The following FAM13A variants were observed in gnomAD, a reference collection of about 807,000 sequenced individuals.
FAM13A encodes the protein family with sequence similarity 13 member A.
In FAM13A, 76 loss-of-function variants were observed where a neutral mutation model predicts 129.6. The ratio of observed to expected loss-of-function variants is 0.59; its 90% CI spans 0.49 to 0.71. The LOEUF is 0.71. Among genes scored for constraint, FAM13A ranks in the 30% least tolerant of loss-of-function variants. The probability of loss-of-function intolerance (pLI) is 0.00; values close to 1 mark genes in which losing one functional copy is unlikely to be tolerated. For synonymous variants in FAM13A, 443 were observed against 449.9 expected, an observed-to-expected ratio of 0.98 and a Z score of 0.20; for missense variants, 1,108 against 1,249.3, an observed-to-expected ratio of 0.89 and a Z score of 1.70.
chr4:88,995,168 AGTATATTTGTTG>A (rs1763394767), intron 3 of FAM13A, among the ~76,000 whole-genome samples: 1 of 145,744 alleles, frequency 6.9e-6, no homozygotes, highest in African/African-American at 2.7e-5. Context: ...ATATACAAAC[AGTATATTTGTTG>A]CACAAATATA....
Position 88,964,633 on chromosome 4 carries a change from C to CT in FAM13A, c.605+26339dup, listed in dbSNP as rs763599993. 6.2e-3 allele frequency among the ~76,000 whole-genome samples: 836 copies of CT among 135,642 alleles called. 10 individuals are homozygous for CT. The highest frequency in any genetic ancestry group is 0.014 in the African/African-American group (515 of 36,968). The allele number at this position is 135,642 out of a possible 152,430, so 89.0% of individuals were successfully genotyped here. A position where few individuals can be genotyped will look rare whatever the true frequency, so the allele number is the denominator to read the frequency against. ...TCACCAAACTAACATACACTCTGCTCTTTTTTTTTTTTTTTTTGGAGTCTC... is the reference window on the plus strand; with the variant it reads ...TCACCAAACTAACATACACTCTGCTCTTTTTTTTTTTTTTTTTTGGAGTCTC... On this transcript the variant is annotated intron_variant, in intron 4 of 23. Coordinates refer to ENST00000264344, the MANE Select transcript of FAM13A (RefSeq NM_014883.4).
intron 13 of FAM13A, among the ~76,000 whole-genome samples, chr4:88,761,565 G>A (rs1744821471): frequency 6.6e-6 from 1 of 152,158 alleles, no homozygotes. Flanking sequence ...GAAGGAAGGA[G>A]GAATAACAAG....
chr4:88,990,248 T>C (rs760708839), intron 4 of FAM13A: 30 of 152,182 alleles, frequency 2.0e-4, no homozygotes, highest in Non-Finnish European at 3.8e-4. Flanking sequence ...TAAGCCTGTA[T>C]ATTAATGAAG....
intron 4 of FAM13A, among the ~76,000 whole-genome samples, chr4:88,980,535 A>G (rs1176461074): frequency 1.3e-5 from 2 of 152,216 alleles, no homozygotes; most frequent in Non-Finnish European, 2.9e-5. Context: ...AAACTTTCCA[A>G]TCACCCATTC....
rs1277179709 is a variant in FAM13A, at chr4:88,775,621, C to G, written c.1458+5544G>C. On this transcript the variant is annotated intron_variant, in intron 11 of 23. Coordinates refer to ENST00000264344, the MANE Select transcript of FAM13A (RefSeq NM_014883.4). Reference sequence around the variant, plus strand: ...ACTTGGGAGGCTGGGGCAGAAGGATCCCTTAAGCCCAGGAGTTGGATGTTG... The same window carrying G: ...ACTTGGGAGGCTGGGGCAGAAGGATGCCTTAAGCCCAGGAGTTGGATGTTG... Among the ~76,000 whole-genome samples, 4 of 152,116 alleles carry G rather than the reference C, an allele frequency of 2.6e-5. No individual in the cohort carries two copies. In the East Asian group the frequency reaches 7.7e-4, roughly 29 times the overall value.
At chr4:89,051,498 G>A (rs896677684) in intron 1 of FAM13A, among the ~76,000 whole-genome samples, 20 of 152,094 alleles carry the variant, frequency 1.3e-4, no homozygotes, top group Non-Finnish European at 1.9e-4. Flanking sequence ...TCCAAAATTC[G>A]TATCCTTTTC....
intron 4 of FAM13A, among the ~76,000 whole-genome samples, chr4:88,969,556 T>C (rs1423426125): frequency 3.3e-5 from 5 of 152,250 alleles, no homozygotes; most frequent in African/African-American, 1.2e-4. Flanking sequence ...CCTATCATTT[T>C]CCAAAACCAC....
intron 7 of FAM13A, among the ~76,000 whole-genome samples, chr4:88,838,733 AAAAAAG>A (rs1735282604): frequency 6.7e-6 from 1 of 149,598 alleles, no homozygotes; most frequent in Non-Finnish European, 1.5e-5. Context: ...TCTCAAAAAA[AAAAAAG>A]AAAAAGAAAA....
chr4:88,735,133 G>T (rs537895122), intron 21 of FAM13A, among the ~76,000 whole-genome samples: 21 of 152,264 alleles, frequency 1.4e-4, no homozygotes, highest in Non-Finnish European at 2.6e-4. Context: ...AGTGGGCAGG[G>T]CAGGTGACTG....
At chr4:88,955,420 T>C (rs1221009235) in intron 4 of FAM13A, among the ~76,000 whole-genome samples, 1 of 152,148 alleles carries the variant, frequency 6.6e-6, no homozygotes, top group African/African-American at 2.4e-5. Flanking sequence ...CTTTCCTTTA[T>C]AAATTACCCA....
chr4:88,916,751 C>T (rs1189423411), intron 5 of FAM13A, among the ~76,000 whole-genome samples: 1 of 152,070 alleles, frequency 6.6e-6, no homozygotes, highest in Non-Finnish European at 1.5e-5. Flanking sequence ...AGCCTAGGGG[C>T]CTTCCTTCAC....
chr4:88,844,261 A>C (rs1293226571), intron 7 of FAM13A, among the ~76,000 whole-genome samples: 1 of 152,210 alleles, frequency 6.6e-6, no homozygotes, highest in Non-Finnish European at 1.5e-5. Context: ...GTGGGAAAGG[A>C]ACTCAAGGTA....
chr4:88,748,173 T>C (rs926688291), intron 17 of FAM13A, among the ~76,000 whole-genome samples: 4 of 152,190 alleles, frequency 2.6e-5, no homozygotes, highest in African/African-American at 4.8e-5. Context: ...ATTACAGGCG[T>C]GAGCCACTGC....
chr4:89,039,336 A>G (rs555547738), intron 1 of FAM13A, among the ~76,000 whole-genome samples: 1 of 152,354 alleles, frequency 6.6e-6, no homozygotes, highest in African/African-American at 2.4e-5. Flanking sequence ...TTATTAAAGA[A>G]AAACATGGAT....
At chr4:88,866,450 G>A (rs752209527) in intron 6 of FAM13A, among the ~76,000 whole-genome samples, 4 of 152,208 alleles carry the variant, frequency 2.6e-5, no homozygotes, top group Non-Finnish European at 4.4e-5. Flanking sequence ...AAAGTTCTGG[G>A]ATTATAGGCG....
chr4:88,994,214 T>C (rs899871038), intron 3 of FAM13A, among the ~76,000 whole-genome samples: 20 of 152,288 alleles, frequency 1.3e-4, no homozygotes, highest in African/African-American at 4.6e-4. Context: ...CACCTACATT[T>C]ATAATTTACT....
chr4:89,004,012 A>G (rs557917686), intron 3 of FAM13A, among the ~76,000 whole-genome samples: 1 of 152,318 alleles, frequency 6.6e-6, no homozygotes, highest in African/African-American at 2.4e-5. Context: ...TTGTAGAGAC[A>G]GGGTCTCACT....
rs552027741 is a variant in FAM13A at position 88,978,666 on chromosome 4, C to T, written c.605+12307G>A. 6.6e-5 allele frequency among the ~76,000 whole-genome samples: 10 copies of T among 152,128 alleles called. No homozygotes were observed. The South Asian group carries it at 1.9e-3, about 28-fold the overall frequency. Reference sequence around the variant, plus strand: ...AAAATTAGCTGGGCGTGGTGGTGGGCGCCTGTAGTCCCAGCTGCTGGGGAG... The same window carrying T: ...AAAATTAGCTGGGCGTGGTGGTGGGTGCCTGTAGTCCCAGCTGCTGGGGAG... On this transcript the variant is annotated intron_variant, in intron 4 of 23. Coordinates refer to ENST00000264344, the MANE Select transcript of FAM13A (RefSeq NM_014883.4).
chr4:88,983,550 T>C (rs1015004925), intron 4 of FAM13A, among the ~76,000 whole-genome samples: 8 of 152,072 alleles, frequency 5.3e-5, no homozygotes, highest in Non-Finnish European at 7.4e-5. Flanking sequence ...ACATCTAGAA[T>C]AGCATCTAAA....
Sources: allele counts gnomAD v4.1 joint callset (sites outside exome capture counted in the v4.1 genomes callset), GRCh38; gene constraint gnomAD v4.1.1; transcripts MANE v1.5; gene names NCBI Gene and HGNC (gene_info 2026-07-23, HGNC 2026-07-21).